The following RAD51B variants were observed in gnomAD, a reference collection of about 807,000 sequenced individuals.
RAD51B encodes DNA repair protein RAD51 homolog 2.
Under a neutral mutation model 42.2 loss-of-function variants are expected in RAD51B, and 38 were observed. The ratio of observed to expected loss-of-function variants is 0.90; its 90% CI spans 0.70 to 1.18. RAD51B has a LOEUF of 1.18. RAD51B is among the 50% of genes most tolerant of loss of function. The pLI is 0.00. For missense variants in RAD51B, 373 were observed against 400.7 expected, an observed-to-expected ratio of 0.93 and a Z score of 0.59; for synonymous variants, 154 against 145.2, an observed-to-expected ratio of 1.06 and a Z score of -0.43.
At chr14:68,144,053 T>C (rs1362308817) in intron 7 of RAD51B, among the ~76,000 whole-genome samples, 2 of 152,298 alleles carry the variant, frequency 1.3e-5, no homozygotes, top group Non-Finnish European at 1.5e-5. Context: ...ATCTTTTTTT[T>C]CCACATAAAA....
At chr14:68,183,598 T>A (rs2079095923) in intron 7 of RAD51B, among the ~76,000 whole-genome samples, 1 of 152,208 alleles carries the variant, frequency 6.6e-6, no homozygotes, top group Non-Finnish European at 1.5e-5. Flanking sequence ...TCTGTTATCC[T>A]ATTGATCCTG....
intron 9 of RAD51B, among the ~76,000 whole-genome samples, chr14:68,460,957 T>C (rs939025826): frequency 2.0e-5 from 3 of 152,194 alleles, no homozygotes; most frequent in African/African-American, 7.2e-5. Context: ...TATTCACTCA[T>C]TCATTCTTGT....
At chr14:68,660,289 G>A (rs1032311377) in intron 11 of RAD51B, among the ~76,000 whole-genome samples, 2 of 152,236 alleles carry the variant, frequency 1.3e-5, no homozygotes, top group East Asian at 1.9e-4. Context: ...CACGTGAGAC[G>A]TGCTGCTGAG....
At chr14:68,176,606 G>A (rs913515681) in intron 7 of RAD51B, among the ~76,000 whole-genome samples, 1 of 152,044 alleles carries the variant, frequency 6.6e-6, no homozygotes, top group African/African-American at 2.4e-5. Flanking sequence ...TAAAACAATA[G>A]CCTCTGTAAA....
intron 7 of RAD51B, among the ~76,000 whole-genome samples, chr14:67,976,289 A>T (rs1448907619): frequency 1.3e-5 from 2 of 151,396 alleles, no homozygotes; most frequent in Non-Finnish European, 2.9e-5. Context: ...GATAATTTTT[A>T]AAAATTTTCG....
intron 7 of RAD51B, among the ~76,000 whole-genome samples, chr14:68,250,929 C>A (rs1007365424): frequency 2.0e-5 from 3 of 152,178 alleles, no homozygotes; most frequent in African/African-American, 7.2e-5. Context: ...CTGTATATAT[C>A]AGTTTACCAT....
chr14:68,171,774 T>A (rs972303256), intron 7 of RAD51B, among the ~76,000 whole-genome samples: 2 of 152,048 alleles, frequency 1.3e-5, no homozygotes, highest in Admixed American at 6.6e-5. Flanking sequence ...TGGGGCGATC[T>A]CGGTTCACTT....
At chr14:67,950,821 G>A (rs79045850) in intron 7 of RAD51B, among the ~76,000 whole-genome samples, 1,845 of 151,326 alleles carry the variant, frequency 0.012, 18 homozygotes, top group Non-Finnish European at 0.02. Context: ...CCATTTTTTT[G>A]TCTAACGTGA....
intron 7 of RAD51B, among the ~76,000 whole-genome samples, chr14:67,923,296 T>G (rs973553807): frequency 7.3e-6 from 1 of 137,116 alleles, no homozygotes; most frequent in Non-Finnish European, 1.5e-5. Context: ...CTTTTTCTTT[T>G]TCTTTTTTTT....
chr14:68,631,714 G>A (rs944003431), intron 10 of RAD51B, among the ~76,000 whole-genome samples: 11 of 152,252 alleles, frequency 7.2e-5, no homozygotes, highest in Admixed American at 2.0e-4. Flanking sequence ...GCCTTTGCAC[G>A]GTCTGTTCCC....
At chr14:68,206,134 T>A (rs2079580745) in intron 7 of RAD51B, among the ~76,000 whole-genome samples, 1 of 152,236 alleles carries the variant, frequency 6.6e-6, no homozygotes, top group African/African-American at 2.4e-5. Flanking sequence ...GCCCCCCCTC[T>A]TGCTTTTTAA....
intron 7 of RAD51B, among the ~76,000 whole-genome samples, chr14:68,065,702 G>A (rs2076639417): frequency 6.6e-6 from 1 of 152,098 alleles, no homozygotes; most frequent in Non-Finnish European, 1.5e-5. Context: ...TGAGTGGCTG[G>A]GATTGAGGTG....
At chr14:68,365,346 G>A (rs2139929000) in intron 8 of RAD51B, among the ~76,000 whole-genome samples, 1 of 152,354 alleles carries the variant, frequency 6.6e-6, no homozygotes, top group African/African-American at 2.4e-5. Flanking sequence ...ACAAAGAACT[G>A]TCCTGTTTGT....
intron 10 of RAD51B, among the ~76,000 whole-genome samples, chr14:68,561,827 C>G (rs1889166538): frequency 6.6e-6 from 1 of 152,192 alleles, no homozygotes; most frequent in South Asian, 2.1e-4. Context: ...GCTTTAGAGT[C>G]ACACTGGTGG....
intron 10 of RAD51B, chr14:68,541,857 A>G (rs1486488049): frequency 1.0e-6 from 1 of 974,474 alleles, no homozygotes. Context: ...TCTCAAAACA[A>G]GCCTCATCTC....
chr14:68,507,536 C>A (rs2140308312), intron 10 of RAD51B, among the ~76,000 whole-genome samples: 1 of 152,292 alleles, frequency 6.6e-6, no homozygotes, highest in East Asian at 1.9e-4. Flanking sequence ...CATGATCACA[C>A]ACCTGTAAGC....
At chr14:68,362,090 G>A (rs2083037360) in intron 8 of RAD51B, among the ~76,000 whole-genome samples, 1 of 152,208 alleles carries the variant, frequency 6.6e-6, no homozygotes, top group Non-Finnish European at 1.5e-5. Flanking sequence ...AACTAATGCA[G>A]TGTATCTATT....
chr14:67,960,542 A>G (rs932160009), intron 7 of RAD51B, among the ~76,000 whole-genome samples: 20 of 152,234 alleles, frequency 1.3e-4, no homozygotes, highest in African/African-American at 4.6e-4. Context: ...GAGTTTAGAT[A>G]TAGCAGTTTA....
intron 7 of RAD51B, among the ~76,000 whole-genome samples, chr14:67,942,140 A>G (rs931407472): frequency 6.6e-6 from 1 of 152,230 alleles, no homozygotes; most frequent in Non-Finnish European, 1.5e-5. Flanking sequence ...TCATATAATT[A>G]TAACAGAAAT....
Sources: gnomAD v4.1 joint callset for allele counts (sites outside exome capture counted in the v4.1 genomes callset) on GRCh38, gnomAD v4.1.1 for gene constraint, MANE v1.5 for transcripts, NCBI Gene and HGNC (gene_info 2026-07-23, HGNC 2026-07-21) for gene names.